BBS9: variants seen among roughly 807,000 people sequenced by gnomAD.
BBS9 encodes protein PTHB1.
Under a neutral mutation model 117.7 loss-of-function variants are expected in BBS9, and 89 were observed. The observed-to-expected ratio is 0.76, with a 90% CI of 0.64 to 0.90. BBS9 has a LOEUF of 0.90. BBS9 is among the 40% of genes least tolerant of loss of function. The pLI is 0.00. For missense variants in BBS9, 982 were observed against 1,042.2 expected (o/e 0.94, Z 0.80); for synonymous variants, 379 against 370.9 (o/e 1.02, Z -0.25).
At chr7:33,379,345 T>C (rs558103029) in intron 17 of BBS9, among the ~76,000 whole-genome samples, 4 of 152,352 alleles carry the variant, frequency 2.6e-5, no homozygotes, top group African/African-American at 9.6e-5. Flanking sequence ...TTTTTTAAGA[T>C]TGTAATACAT....
chr7:33,509,450 T>C (rs1421423888), intron 20 of BBS9, among the ~76,000 whole-genome samples: 2 of 152,164 alleles, frequency 1.3e-5, no homozygotes, highest in Non-Finnish European at 2.9e-5. Flanking sequence ...AAGGACTCTC[T>C]TACCAGAATG....
At chr7:33,234,007 A>T (rs186783275) in intron 5 of BBS9, among the ~76,000 whole-genome samples, 10 of 152,256 alleles carry the variant, frequency 6.6e-5, no homozygotes, top group Middle Eastern at 3.4e-3. Flanking sequence ...TGTCCCACCC[A>T]GGATGCAAAC....
intron 4 of BBS9, among the ~76,000 whole-genome samples, chr7:33,173,042 G>C (rs893572529): frequency 1.3e-5 from 2 of 152,132 alleles, no homozygotes; most frequent in African/African-American, 4.8e-5. Flanking sequence ...ATTCCAGAAA[G>C]GCATATTTTA....
intron 19 of BBS9, among the ~76,000 whole-genome samples, chr7:33,444,626 A>G (rs1480364727): frequency 6.6e-6 from 1 of 152,216 alleles, no homozygotes; most frequent in African/African-American, 2.4e-5. Context: ...TGTTATTACA[A>G]CACACAGATG....
At position 33,605,280 on chromosome 7, in the gene BBS9, G is replaced by A; in HGVS notation, c.*54G>A. On this transcript the variant is annotated 3_prime_UTR_variant, in exon 23 of 23. Transcript: ENST00000242067. ...ACATCCCCATCTCAAGGCCGAACCT[G>A]TGTGAACCTCATGCCAAGCACAGAT... 6.4e-7 allele frequency: 1 copy of A among 1,553,732 alleles called. No homozygotes were observed. The highest frequency in any genetic ancestry group is 8.9e-7 in the Non-Finnish European group (1 of 1,125,138).
intron 19 of BBS9, among the ~76,000 whole-genome samples, chr7:33,423,146 C>T (rs1412986678): frequency 3.3e-5 from 5 of 152,106 alleles, no homozygotes; most frequent in Non-Finnish European, 7.4e-5. Context: ...GTTAAAGATA[C>T]TACAGAAGCT....
chr7:33,200,405 T>C (rs926456833), intron 5 of BBS9, among the ~76,000 whole-genome samples: 13 of 152,190 alleles, frequency 8.5e-5, no homozygotes, highest in African/African-American at 3.1e-4. Context: ...AACTATAACT[T>C]AAATCTTCCA....
rs771984996 is a variant in BBS9, at chr7:33,129,684, G to A, written c.-369G>A. 2 of 152,586 alleles carry A rather than the reference G, an allele frequency of 1.3e-5. No homozygotes were observed. The highest frequency in any genetic ancestry group is 4.8e-5 in the African/African-American group (2 of 41,436). The allele number at this position is 152,586 out of a possible 1,614,324, so 9.5% of individuals were successfully genotyped here. ...TCCTCCATCCTTTCCTCCTCGGTGT[G>A]AGCAGCAGGACTTGCATTTGTTCTC... On this transcript the variant is annotated 5_prime_UTR_variant, in exon 1 of 23. Transcript: ENST00000242067.
chr7:33,522,117 G>A (rs1014019117), intron 20 of BBS9, among the ~76,000 whole-genome samples: 2 of 151,666 alleles, frequency 1.3e-5, no homozygotes, highest in African/African-American at 4.8e-5. Context: ...TGGTGTATAT[G>A]TGCCACATTT....
chr7:33,520,233 C>T (rs1360136629), intron 20 of BBS9, among the ~76,000 whole-genome samples: 1 of 152,056 alleles, frequency 6.6e-6, no homozygotes, highest in African/African-American at 2.4e-5. Flanking sequence ...AGGCTGGTCT[C>T]GAACTCCTGA....
intron 12 of BBS9, among the ~76,000 whole-genome samples, chr7:33,346,807 T>G (rs1817674515): frequency 6.6e-6 from 1 of 152,238 alleles, no homozygotes. Context: ...AAAGCCAGAC[T>G]GCTCTTTTTC....
At chr7:33,610,250 C>G (rs2034510), downstream of BBS9, among the ~76,000 whole-genome samples, 65,965 of 151,980 alleles carry the variant, frequency 0.43, 19,207 homozygotes, top group African/African-American at 0.83. Context: ...TGGGATAGCA[C>G]TATGAGTGTG....
chr7:33,211,134 G>A (rs1787935522), intron 5 of BBS9, among the ~76,000 whole-genome samples: 1 of 152,104 alleles, frequency 6.6e-6, no homozygotes, highest in Non-Finnish European at 1.5e-5. Flanking sequence ...CAGCCACTCT[G>A]TGTTTTAATT....
chr7:33,557,336 G>T (rs984113033), intron 21 of BBS9, among the ~76,000 whole-genome samples: 1 of 152,090 alleles, frequency 6.6e-6, no homozygotes, highest in African/African-American at 2.4e-5. Context: ...TAGCTAGAAG[G>T]TCATCATCAT....
chr7:33,220,794 A>G (rs1019328791), intron 5 of BBS9, among the ~76,000 whole-genome samples: 5 of 152,226 alleles, frequency 3.3e-5, no homozygotes, highest in Non-Finnish European at 5.9e-5. Context: ...TCACATTTAC[A>G]TGGAGTAATA....
intron 9 of BBS9, among the ~76,000 whole-genome samples, chr7:33,276,305 C>A (rs1313806863): frequency 2.0e-5 from 3 of 152,168 alleles, no homozygotes; most frequent in South Asian, 2.1e-4. Context: ...AAGCTGTATG[C>A]TACAGTTATT....
At chr7:33,159,871 A>C (rs926223508) in intron 4 of BBS9, among the ~76,000 whole-genome samples, 4 of 152,238 alleles carry the variant, frequency 2.6e-5, no homozygotes, top group Non-Finnish European at 4.4e-5. Flanking sequence ...AGTTTGGAGC[A>C]TGCTTCTTAG....
In BBS9 at chr7:33,257,240, A is replaced by C; in HGVS notation, c.447A>C (p.Arg149=). The part of the protein sequence containing the change: ...TYGSFGGVKG[R]DLICIQSMDG... ...TTTTCTCTAATTCTTCTTTAGGTCG[A>C]GATTTAATTTGCATCCAGTCTATGG... The change falls in exon 6 of 23, where the codon CGA becomes CGC. Residue 149 remains arginine (R), a synonymous_variant. Coordinates refer to ENST00000242067, the MANE Select transcript of BBS9 (RefSeq NM_198428.3). The C allele has an allele frequency of 6.2e-7, 1 of 1,607,678 alleles. No individual in the cohort carries two copies. The highest frequency in any genetic ancestry group is 8.5e-7 in the Non-Finnish European group (1 of 1,175,356).
intron 20 of BBS9, among the ~76,000 whole-genome samples, chr7:33,529,877 G>GT (rs1850297962): frequency 6.6e-6 from 1 of 152,114 alleles, no homozygotes; most frequent in Admixed American, 6.5e-5. Flanking sequence ...AAAGATAAAG[G>GT]TTAGGTATGT....
Sources: allele counts gnomAD v4.1 joint callset (sites outside exome capture counted in the v4.1 genomes callset), GRCh38; gene constraint gnomAD v4.1.1; transcripts MANE v1.5; gene names NCBI Gene and HGNC (gene_info 2026-07-23, HGNC 2026-07-21).